Variants in ZNF429 observed in about 807,000 individuals in gnomAD.
The protein encoded by ZNF429 is zinc finger protein 429.
A neutral mutation model predicts 56.8 loss-of-function variants in ZNF429; 53 were observed. The ratio of observed to expected loss-of-function variants is 0.93; its 90% CI spans 0.75 to 1.17. The LOEUF is 1.17. Among genes scored for constraint, ZNF429 ranks in the 50% most tolerant of loss-of-function variants. The pLI is 0.00. For synonymous variants in ZNF429, 278 were observed against 264.7 expected (o/e 1.05, Z -0.49); for missense variants, 849 against 788.4 (o/e 1.08, Z -0.92).
At chr19:21,517,577 C>G (rs986865303) in intron 1 of ZNF429, among the ~76,000 whole-genome samples, 4 of 151,922 alleles carry the variant, frequency 2.6e-5, no homozygotes, top group Non-Finnish European at 5.9e-5. Context: ...CTTTTTTTGG[C>G]TGGTAGGCTA....
At chr19:21,535,911 A>G in intron 3 of ZNF429, among the ~76,000 whole-genome samples, 6 of 152,276 alleles carry the variant, frequency 3.9e-5, no homozygotes, top group African/African-American at 1.4e-4. Flanking sequence ...GTATGTGCCA[A>G]TATATTTCTT....
At chr19:21,525,747 A>G (rs1289314285) in intron 1 of ZNF429, among the ~76,000 whole-genome samples, 4 of 82,992 alleles carry the variant, frequency 4.8e-5, no homozygotes, top group Non-Finnish European at 1.1e-4. Context: ...ATTAAATATA[A>G]ACACAATAAA....
intron 3 of ZNF429, among the ~76,000 whole-genome samples, chr19:21,535,432 C>CTTTTCT: frequency 2.0e-4 from 3 of 15,026 alleles, no homozygotes; most frequent in African/African-American, 7.1e-4. Flanking sequence ...TTCTTTCTTT[C>CTTTTCT]TTTCTTTCTT....
At chr19:21,528,877 C>T (rs184241205) in intron 1 of ZNF429, among the ~76,000 whole-genome samples, 24 of 152,244 alleles carry the variant, frequency 1.6e-4, no homozygotes, top group African/African-American at 5.3e-4. Flanking sequence ...AAAAATTTGT[C>T]CTAGTGCAGT....
intron 1 of ZNF429, among the ~76,000 whole-genome samples, chr19:21,506,820 A>T (rs1472750476): frequency 8.0e-6 from 1 of 125,604 alleles, no homozygotes; most frequent in Non-Finnish European, 1.6e-5. Flanking sequence ...CCCAATCTGG[A>T]CTGCAGTGGC....
At chr19:21,528,934 T>C (rs2033268755) in intron 1 of ZNF429, 1 of 152,190 alleles carries the variant, frequency 6.6e-6, no homozygotes, top group Non-Finnish European at 1.5e-5. Context: ...ACAGACTGTT[T>C]TACTATAGAG....
chr19:21,526,799 G>T lies in ZNF429; in HGVS notation c.4-2859G>T, dbSNP rs117190577. 9.2e-3 allele frequency among the ~76,000 whole-genome samples: 1,401 copies of T among 152,284 alleles called. 11 individuals are homozygous for T. Among genetic ancestry groups the T allele is most frequent in the Middle Eastern group, 0.017 (5 of 294 alleles). ...CACTTGGGGGTGTCTCTCAGGTCCT[G>T]CAGGAGCAGTCTGCTTCCTTCAGAT... On this transcript the variant is annotated intron_variant, in intron 1 of 3. Coordinates refer to ENST00000358491, the MANE Select transcript of ZNF429 (RefSeq NM_001001415.4).
At chr19:21,525,020 C>G (rs973817829) in intron 1 of ZNF429, among the ~76,000 whole-genome samples, 2 of 152,008 alleles carry the variant, frequency 1.3e-5, no homozygotes, top group African/African-American at 4.8e-5. Context: ...CCCTACCATC[C>G]AAAAACTCTT....
Position 21,537,843 on chromosome 19 carries a change from A to C in ZNF429, c.1790A>C (p.Glu597Ala), listed in dbSNP as rs1255677614. Residue 597 changes from glutamate (E) to alanine (A), a missense_variant, in exon 4 of 4, where the codon GAA becomes GCA. By Grantham distance (107) the Glu-to-Ala change is moderately radical. Transcript: ENST00000358491. ...HSGEKPYKCEECGKAFNRSSR... is the reference protein window; with the variant it reads ...HSGEKPYKCEACGKAFNRSSR... Reference sequence around the variant, plus strand: ...GGAGAGAAACCCTACAAATGTGAAGAATGTGGCAAAGCTTTTAATCGGTCC... The same window carrying C: ...GGAGAGAAACCCTACAAATGTGAAGCATGTGGCAAAGCTTTTAATCGGTCC... 1 of 1,613,738 alleles carries C rather than the reference A, an allele frequency of 6.2e-7. No homozygotes were observed. The highest frequency in any genetic ancestry group is 8.5e-7 in the Non-Finnish European group (1 of 1,180,018).
chr19:21,535,749 T>C, intron 3 of ZNF429, among the ~76,000 whole-genome samples: 1 of 148,856 alleles, frequency 6.7e-6, no homozygotes, highest in Non-Finnish European at 1.5e-5. Context: ...CTCCTGACTT[T>C]ATGATCTGCC....
chr19:21,506,974 G>T (rs1415886767), intron 1 of ZNF429, among the ~76,000 whole-genome samples: 1 of 151,948 alleles, frequency 6.6e-6, no homozygotes, highest in East Asian at 1.9e-4. Flanking sequence ...CTCCGTGTTG[G>T]TCAGGCTTGT....
In ZNF429 at chr19:21,530,625, T is replaced by TAGAGAA. The variant is rs775631081; in HGVS notation, c.171_176dup (p.Lys60_Glu61dup). Reference sequence around the variant, plus strand: ...TCTAAGCCAGACCTAATCACTTGTCTAGAGAAAGAAAAAGAACCCTGCAAG... The same window carrying TAGAGAA: ...TCTAAGCCAGACCTAATCACTTGTCTAGAGAAAGAGAAAGAAAAAGAACCCTGCAAG... On this transcript the variant is annotated inframe_insertion, in exon 3 of 4. Coordinates refer to ENST00000358491, the MANE Select transcript of ZNF429 (RefSeq NM_001001415.4). 1.2e-6 allele frequency: 2 copies of TAGAGAA among 1,611,902 alleles called. No homozygotes were observed. The highest frequency in any genetic ancestry group is 1.7e-6 in the Non-Finnish European group (2 of 1,179,070).
chr19:21,535,457 TTTC>T, intron 3 of ZNF429, among the ~76,000 whole-genome samples: 2,736 of 110,078 alleles, frequency 0.025, 380 homozygotes, highest in Non-Finnish European at 0.031. Flanking sequence ...TCTTTCTTTC[TTTC>T]TTTCTTTCTT....
chr19:21,535,557 C>T, intron 3 of ZNF429, among the ~76,000 whole-genome samples: 3 of 148,898 alleles, frequency 2.0e-5, no homozygotes, highest in Non-Finnish European at 4.4e-5. Flanking sequence ...CTCTGTTGCC[C>T]AGGCTGGAGT....
intron 1 of ZNF429, among the ~76,000 whole-genome samples, chr19:21,511,401 G>A (rs2032463003): frequency 6.6e-6 from 1 of 151,834 alleles, no homozygotes; most frequent in Non-Finnish European, 1.5e-5. Context: ...CCCAGACAGG[G>A]TCACGGCCGG....
intron 1 of ZNF429, among the ~76,000 whole-genome samples, chr19:21,514,298 A>G (rs889313615): frequency 6.6e-6 from 1 of 152,200 alleles, no homozygotes; most frequent in African/African-American, 2.4e-5. Context: ...GGTACTAAGC[A>G]TAGCATCAAA....
At position 21,535,479 on chromosome 19, in the gene ZNF429, TCTTTCTTTCTTTCTTTCTTC is replaced by T; in HGVS notation, c.227-800_227-781del. Reference sequence around the variant, plus strand: ...TTCTTTCTTTCTTTCTTTCTTTCTTTCTTTCTTTCTTTCTTTCTTCTTTCTTTCTTTCTTTCCTTCTTTTT... The same window carrying T: ...TTCTTTCTTTCTTTCTTTCTTTCTTTTTTCTTTCTTTCTTTCCTTCTTTTT... On this transcript the variant is annotated intron_variant, in intron 3 of 3. Coordinates refer to ENST00000358491, the MANE Select transcript of ZNF429 (RefSeq NM_001001415.4). Among the ~76,000 whole-genome samples the T allele has an allele frequency of 1.5e-3, 180 of 121,338 alleles. 6 individuals are homozygous for T. The highest frequency in any genetic ancestry group is 6.1e-3 in the African/African-American group (174 of 28,328). The allele number at this position is 121,338 out of a possible 152,430, so 79.6% of individuals were successfully genotyped here.
At chr19:21,514,093 G>C (rs968244366) in intron 1 of ZNF429, among the ~76,000 whole-genome samples, 1 of 152,164 alleles carries the variant, frequency 6.6e-6, no homozygotes, top group African/African-American at 2.4e-5. Flanking sequence ...CATGGACCTA[G>C]AAATAAATCA....
chr19:21,539,587 AT>A lies in ZNF429; in HGVS notation c.*1524del, dbSNP rs59611982. ...CAGGCATACACCAGCATGTCTGGCT[AT>A]TTTTTTTTTTTTTTGTATTTTTAGT... On this transcript the variant is annotated 3_prime_UTR_variant, in exon 4 of 4. Transcript: ENST00000358491. Among the ~76,000 whole-genome samples the A allele has an allele frequency of 2.8e-3, 384 of 136,624 alleles. No individual in the cohort carries two copies. The highest frequency in any genetic ancestry group is 4.3e-3 in the East Asian group (20 of 4,622). 89.6% of individuals were successfully genotyped at this position (136,624 alleles called of 152,430 possible). A position where few individuals can be genotyped will look rare whatever the true frequency, so the allele number is the denominator to read the frequency against.
Sources: gnomAD v4.1 joint callset for allele counts (sites outside exome capture counted in the v4.1 genomes callset) on GRCh38, gnomAD v4.1.1 for gene constraint, MANE v1.5 for transcripts, NCBI Gene and HGNC (gene_info 2026-07-23, HGNC 2026-07-21) for gene names.